The following MGRN1 variants were observed in gnomAD, a reference collection of about 807,000 sequenced individuals.
MGRN1 encodes mahogunin ring finger 1.
A neutral mutation model predicts 69.2 loss-of-function variants in MGRN1; 29 were observed. The ratio of observed to expected loss-of-function variants is 0.42; its 90% CI spans 0.31 to 0.57. The LOEUF (loss-of-function observed/expected upper bound fraction) is 0.57. Among genes scored for constraint, MGRN1 ranks in the 20% least tolerant of loss-of-function variants. The pLI is 0.15. For synonymous variants in MGRN1, 470 were observed against 344.2 expected (o/e 1.37, Z -4.04); for missense variants, 998 against 796.2 (o/e 1.25, Z -3.05).
At chr16:4,626,517 C>T (rs1261419666) in intron 1 of MGRN1, among the ~76,000 whole-genome samples, 1 of 152,184 alleles carries the variant, frequency 6.6e-6, no homozygotes, top group Non-Finnish European at 1.5e-5. Context: ...CCCTCAGAAC[C>T]ACACCTGGCT....
intron 16 of MGRN1, among the ~76,000 whole-genome samples, chr16:4,685,853 C>A (rs2079300629): frequency 6.6e-6 from 1 of 152,176 alleles, no homozygotes; most frequent in African/African-American, 2.4e-5. Flanking sequence ...ACCCTGCTGT[C>A]CCTGTAGATG....
rs1474598302 is a variant in MGRN1 at position 4,681,472 on chromosome 16, C to A, written c.1132-78C>A. 6 of 1,372,962 alleles carry A rather than the reference C, an allele frequency of 4.4e-6. No homozygotes were observed. The South Asian group carries it at 7.9e-5, about 18-fold the overall frequency. 85.0% of individuals were successfully genotyped at this position (1,372,962 alleles called of 1,614,324 possible). A position where few individuals can be genotyped will look rare whatever the true frequency, so the allele number is the denominator to read the frequency against. On this transcript the variant is annotated intron_variant, in intron 12 of 16. Coordinates refer to ENST00000262370, the MANE Select transcript of MGRN1 (RefSeq NM_015246.4). ...TCAATCCCCCAAAGAACAGAGTGGA[C>A]AGGAGGTCATCAGGAGGAGCGTCTG... is the stretch of plus-strand genomic sequence containing the variant.
At chr16:4,687,468 C>T in intron 16 of MGRN1, 1 of 954,466 alleles carries the variant, frequency 1.0e-6, no homozygotes, top group Non-Finnish European at 1.2e-6. Context: ...ATTGCCGGAG[C>T]TGGGGAGGTC....
intron 10 of MGRN1, chr16:4,677,255 G>A (rs937683722): frequency 2.2e-6 from 1 of 450,004 alleles, no homozygotes; most frequent in Middle Eastern, 5.7e-4. Flanking sequence ...CAGGGGAGCT[G>A]CTTCTTTCTT....
At chr16:4,688,628 C>T (rs1308654573) in intron 16 of MGRN1, 168 bp from the exon 17 acceptor site, 4 of 1,406,150 alleles carry the variant, frequency 2.8e-6, no homozygotes, top group Non-Finnish European at 3.7e-6. Flanking sequence ...TTAGGGAGTC[C>T]CCGGGCCCTT....
At chr16:4,668,206 AG>A (rs1415659431) in intron 7 of MGRN1, 58 bp from the exon 8 acceptor site, 1 of 1,549,224 alleles carries the variant, frequency 6.5e-7, no homozygotes, top group East Asian at 2.3e-5. Context: ...GCGGCCACGC[AG>A]GGGTGCTCAG....
intron 5 of MGRN1, among the ~76,000 whole-genome samples, chr16:4,663,009 A>G (rs1211300236): frequency 6.6e-6 from 1 of 152,162 alleles, no homozygotes; most frequent in African/African-American, 2.4e-5. Flanking sequence ...CCCTCACCCA[A>G]CTGCCCTTGC....
chr16:4,627,212 T>A (rs1017117906), intron 1 of MGRN1, among the ~76,000 whole-genome samples: 5 of 152,220 alleles, frequency 3.3e-5, no homozygotes, highest in Non-Finnish European at 5.9e-5. Flanking sequence ...AATCACCCGA[T>A]GAGAAAGCTT....
intron 16 of MGRN1, chr16:4,687,474 AG>A (rs1156412685): frequency 2.1e-6 from 2 of 956,424 alleles, no homozygotes; most frequent in Non-Finnish European, 2.5e-6. Context: ...GGAGCTGGGG[AG>A]GTCAAGGCCC....
chr16:4,683,303 G>T (rs1356047486), intron 15 of MGRN1, 34 bp downstream of exon 15: 2 of 1,612,174 alleles, frequency 1.2e-6, no homozygotes, highest in East Asian at 2.2e-5. Flanking sequence ...CAAACCGCAT[G>T]CAGGGACCAG....
At chr16:4,685,855 C>T (rs1340817027) in intron 16 of MGRN1, among the ~76,000 whole-genome samples, 4 of 152,302 alleles carry the variant, frequency 2.6e-5, no homozygotes, top group African/African-American at 9.6e-5. Flanking sequence ...CCTGCTGTCC[C>T]TGTAGATGGG....
At chr16:4,645,842 C>A (rs2078263221) in intron 1 of MGRN1, among the ~76,000 whole-genome samples, 1 of 152,096 alleles carries the variant, frequency 6.6e-6, no homozygotes, top group Non-Finnish European at 1.5e-5. Context: ...GGTCCAGAAA[C>A]AACAGACCTG....
In MGRN1 at chr16:4,624,856, C is replaced by T. The variant is rs546861872; in HGVS notation, c.-105C>T. ...CTCGAGGCGCCTCCGCGGCCGTGGACGAGCGTCCGTGCGGCCTGGTCCGGG... is the reference window on the plus strand; with the variant it reads ...CTCGAGGCGCCTCCGCGGCCGTGGATGAGCGTCCGTGCGGCCTGGTCCGGG... On this transcript the variant is annotated 5_prime_UTR_variant, in exon 1 of 17. The change creates a new upstream start codon in the 5' untranslated region. Coordinates refer to ENST00000262370, the MANE Select transcript of MGRN1 (RefSeq NM_015246.4). 10 of 954,284 alleles carry T rather than the reference C, an allele frequency of 1.0e-5. No individual in the cohort carries two copies. Among genetic ancestry groups the T allele is most frequent in the South Asian group, 2.7e-5 (1 of 37,710 alleles). The allele number at this position is 954,284 out of a possible 1,614,324, so 59.1% of individuals were successfully genotyped here.
intron 1 of MGRN1, chr16:4,640,306 A>T (rs547802761): frequency 6.2e-4 from 95 of 152,550 alleles, no homozygotes; most frequent in African/African-American, 2.3e-3. Context: ...GGTTTTTCTC[A>T]GCTGTAGAGA....
Position 4,625,198 on chromosome 16 carries a change from C to G in MGRN1, c.88+150C>G, listed in dbSNP as rs111524167. 25 of 710,386 alleles carry G rather than the reference C, an allele frequency of 3.5e-5. 1 individual carries two copies. In the African/African-American group the frequency reaches 3.6e-4, roughly 10 times the overall value. The allele number at this position is 710,386 out of a possible 1,614,324, so 44.0% of individuals were successfully genotyped here. On this transcript the variant is annotated intron_variant, in intron 1 of 16. Transcript: ENST00000262370. ...GAGCCTTCGCGCGGCCCCACGGCCC[C>G]GATCCCTAGGCGTGGCTGGGGGCCC...
chr16:4,677,314 A>G, intron 10 of MGRN1, 149 bp from the exon 11 acceptor site: 1 of 473,204 alleles, frequency 2.1e-6, no homozygotes, highest in Non-Finnish European at 3.6e-6. Flanking sequence ...TTAAAACTAA[A>G]AGAAAAAAAA....
At chr16:4,642,788 A>ATT (rs79535290) in intron 1 of MGRN1, among the ~76,000 whole-genome samples, 5 of 140,258 alleles carry the variant, frequency 3.6e-5, no homozygotes, top group East Asian at 2.0e-4. Context: ...TAACGCTTGA[A>ATT]TTTTTTTTTT....
intron 1 of MGRN1, among the ~76,000 whole-genome samples, chr16:4,646,810 A>G (rs2078284214): frequency 1.3e-5 from 2 of 152,128 alleles, no homozygotes; most frequent in Non-Finnish European, 2.9e-5. Context: ...CTTGGACACA[A>G]AGTGGTTGTG....
At chr16:4,666,312 T>A (rs1399455820) in intron 7 of MGRN1, among the ~76,000 whole-genome samples, 7 of 152,104 alleles carry the variant, frequency 4.6e-5, no homozygotes, top group Non-Finnish European at 8.8e-5. Context: ...AAAATTTTTT[T>A]GTAGAGAAGA....
Sources: allele counts gnomAD v4.1 joint callset (sites outside exome capture counted in the v4.1 genomes callset), GRCh38; gene constraint gnomAD v4.1.1; transcripts MANE v1.5; gene names NCBI Gene and HGNC (gene_info 2026-07-23, HGNC 2026-07-21).